Variants in MAPK10 observed in about 807,000 individuals in gnomAD.
MAPK10 encodes JNK3 alpha protein kinase.
In MAPK10, 25 loss-of-function variants were observed where a neutral mutation model predicts 59.3. The ratio of observed to expected loss-of-function variants is 0.42; its 90% CI spans 0.31 to 0.59. MAPK10 has a LOEUF of 0.59. Ranked by LOEUF, MAPK10 falls within the 20% of genes least tolerant of loss-of-function variation. The probability of loss-of-function intolerance (pLI) is 0.15; values close to 1 mark genes in which losing one functional copy is unlikely to be tolerated. For synonymous variants in MAPK10, 190 were observed against 200.5 expected (o/e 0.95, Z 0.44); for missense variants, 351 against 568.9 (o/e 0.62, Z 3.90).
intron 1 of MAPK10, among the ~76,000 whole-genome samples, chr4:86,491,649 G>C (rs1754463034): frequency 6.6e-6 from 1 of 152,154 alleles, no homozygotes; most frequent in African/African-American, 2.4e-5. Flanking sequence ...GAAGCATATA[G>C]GTCCATTCGG....
intron 2 of MAPK10, among the ~76,000 whole-genome samples, chr4:86,344,912 C>A (rs767180747): frequency 6.6e-6 from 1 of 152,066 alleles, no homozygotes; most frequent in Non-Finnish European, 1.5e-5. Context: ...CTTGTGCACA[C>A]TAGTCTTTCA....
chr4:86,514,359 T>G (rs986329718), intron 1 of MAPK10, among the ~76,000 whole-genome samples: 2 of 152,210 alleles, frequency 1.3e-5, no homozygotes, highest in Non-Finnish European at 2.9e-5. Context: ...TAGCCAAAAC[T>G]AATTATCACA....
intron 11 of MAPK10, among the ~76,000 whole-genome samples, chr4:86,049,438 C>G (rs2043110087): frequency 6.6e-6 from 1 of 151,640 alleles, no homozygotes; most frequent in Admixed American, 6.6e-5. Flanking sequence ...ACAGAGCTTG[C>G]CTTTTCATTA....
At chr4:86,036,971 T>G (rs566509342) in intron 11 of MAPK10, among the ~76,000 whole-genome samples, 16 of 152,330 alleles carry the variant, frequency 1.1e-4, no homozygotes, top group African/African-American at 3.8e-4. Flanking sequence ...CACTGAGGTT[T>G]CAACAATTGC....
chr4:86,085,374 T>C (rs534533633), intron 9 of MAPK10, among the ~76,000 whole-genome samples: 1 of 152,180 alleles, frequency 6.6e-6, no homozygotes, highest in South Asian at 2.1e-4. Context: ...AACCAGAATA[T>C]ATAAGGAGCT....
intron 1 of MAPK10, among the ~76,000 whole-genome samples, chr4:86,413,381 G>A (rs1745446531): frequency 6.6e-6 from 1 of 152,206 alleles, no homozygotes. Flanking sequence ...CGCTTGAGGA[G>A]GCAGTCTGTC....
chr4:86,484,032 G>C (rs1018668334), intron 1 of MAPK10, among the ~76,000 whole-genome samples: 8 of 152,148 alleles, frequency 5.3e-5, no homozygotes, highest in Admixed American at 2.0e-4. Flanking sequence ...GCACTTCAGG[G>C]GAGCCACAGC....
At chr4:86,357,562 T>C (rs1735145908) in intron 1 of MAPK10, 1 of 152,178 alleles carries the variant, frequency 6.6e-6, no homozygotes, top group Non-Finnish European at 1.5e-5. Context: ...GACAATAAAT[T>C]ATCAGTTCAT....
chr4:86,229,102 ACT>A (rs768163726), intron 2 of MAPK10, among the ~76,000 whole-genome samples: 2 of 152,294 alleles, frequency 1.3e-5, no homozygotes, highest in Non-Finnish European at 2.9e-5. Context: ...GCCCAGCAAC[ACT>A]CTGTTGAAAT....
intron 3 of MAPK10, among the ~76,000 whole-genome samples, chr4:86,186,444 A>G (rs1034221172): frequency 1.2e-4 from 18 of 152,188 alleles, no homozygotes; most frequent in African/African-American, 4.1e-4. Context: ...ATGCTCAAGG[A>G]AAGTACATAC....
intron 3 of MAPK10, chr4:86,194,119 C>T (rs542369404): frequency 1.7e-5 from 9 of 521,286 alleles, no homozygotes; most frequent in African/African-American, 3.8e-5. Context: ...AGGTACCTCA[C>T]GTGGAAATGC....
intron 3 of MAPK10, among the ~76,000 whole-genome samples, chr4:86,184,373 G>A (rs1312263180): frequency 6.6e-6 from 1 of 152,074 alleles, no homozygotes; most frequent in East Asian, 1.9e-4. Flanking sequence ...AAGTGCTAGG[G>A]CCCAGATATT....
At chr4:86,163,626 TA>T in intron 3 of MAPK10, among the ~76,000 whole-genome samples, 1 of 152,270 alleles carries the variant, frequency 6.6e-6, no homozygotes, top group Non-Finnish European at 1.5e-5. Flanking sequence ...TAGGACTAGC[TA>T]GGGGGCTTAT....
chr4:86,564,901 T>C (rs1317835892), intron 1 of MAPK10, among the ~76,000 whole-genome samples: 1 of 152,144 alleles, frequency 6.6e-6, no homozygotes, highest in African/African-American at 2.4e-5. Context: ...AAGCATGAGA[T>C]GGCGGGGGAA....
intron 2 of MAPK10, among the ~76,000 whole-genome samples, chr4:86,277,594 G>A (rs112808693): frequency 1.3e-5 from 2 of 152,014 alleles, no homozygotes; most frequent in Non-Finnish European, 2.9e-5. Flanking sequence ...TGACTAGATG[G>A]TTAAGCAGAC....
intron 1 of MAPK10, among the ~76,000 whole-genome samples, chr4:86,391,382 C>G (rs1291194125): frequency 2.0e-5 from 3 of 152,136 alleles, no homozygotes; most frequent in Non-Finnish European, 2.9e-5. Flanking sequence ...TGTGGTCATA[C>G]AAGTCAGAGT....
chr4:86,328,811 TG>T (rs1165122656), intron 2 of MAPK10, among the ~76,000 whole-genome samples: 2 of 151,884 alleles, frequency 1.3e-5, no homozygotes, highest in Non-Finnish European at 2.9e-5. Context: ...TGAGAATACA[TG>T]GACACAGGGA....
At chr4:86,339,421 TC>T (rs1723558524) in intron 2 of MAPK10, among the ~76,000 whole-genome samples, 1 of 152,224 alleles carries the variant, frequency 6.6e-6, no homozygotes, top group Non-Finnish European at 1.5e-5. Flanking sequence ...TACCTTCTTT[TC>T]TTCTTTAGTG....
intron 1 of MAPK10, among the ~76,000 whole-genome samples, chr4:86,408,052 A>T (rs1159879627): frequency 2.1e-5 from 2 of 95,846 alleles, no homozygotes; most frequent in South Asian, 3.7e-4. Flanking sequence ...TCCCTCCCAC[A>T]GCCCCCCACC....
Sources: allele counts gnomAD v4.1 joint callset (sites outside exome capture counted in the v4.1 genomes callset), GRCh38; gene constraint gnomAD v4.1.1; transcripts MANE v1.5; gene names NCBI Gene and HGNC (gene_info 2026-07-23, HGNC 2026-07-21).